CAMK2D: variants seen among roughly 807,000 people sequenced by gnomAD.
CAMK2D encodes the protein calcium/calmodulin dependent protein kinase II delta, also known as calcium/calmodulin-dependent protein kinase type II subunit delta.
CAMK2D carries 37 observed loss-of-function variants against 84.0 expected under a neutral mutation model. The ratio of observed to expected loss-of-function variants is 0.44; its 90% CI spans 0.34 to 0.58. The LOEUF (loss-of-function observed/expected upper bound fraction) is 0.58. CAMK2D is among the 20% of genes least tolerant of loss of function. CAMK2D has a pLI of 0.02. For synonymous variants in CAMK2D, 202 were observed against 212.5 expected, an observed-to-expected ratio of 0.95 and a Z score of 0.43; for missense variants, 448 against 652.5, an observed-to-expected ratio of 0.69 and a Z score of 3.41.
intron 19 of CAMK2D, 41 bp from the exon 20 acceptor site, chr4:113,455,862 G>C (rs201528950): frequency 2.5e-4 from 313 of 1,262,610 alleles, no homozygotes; most frequent in Non-Finnish European, 3.5e-4. Flanking sequence ...GGCATAAAAT[G>C]AAGTTTTCTT....
At chr4:113,695,203 G>A (rs2154343964) in intron 2 of CAMK2D, among the ~76,000 whole-genome samples, 1 of 152,134 alleles carries the variant, frequency 6.6e-6, no homozygotes, top group African/African-American at 2.4e-5. Context: ...TGTGGGATGG[G>A]AAGATAGGTA....
At position 113,751,172 on chromosome 4, in the gene CAMK2D, G is replaced by A. The variant is rs145376650; in HGVS notation, c.160+8148C>T. On this transcript the variant is annotated intron_variant, in intron 2 of 20. Transcript: ENST00000511664. ...GGAAAATTATTGTGCCATTCACAGAGGGGGAAAGTTGATGAGTCTACTGGG... is the reference window on the plus strand; with the variant it reads ...GGAAAATTATTGTGCCATTCACAGAAGGGGAAAGTTGATGAGTCTACTGGG... Among the ~76,000 whole-genome samples, 48 of 152,282 alleles carry A rather than the reference G, an allele frequency of 3.2e-4. 1 individual carries two copies. The East Asian group carries it at 9.1e-3, about 29-fold the overall frequency.
At chr4:113,554,998 A>G (rs1425582570) in intron 4 of CAMK2D, among the ~76,000 whole-genome samples, 1 of 152,152 alleles carries the variant, frequency 6.6e-6, no homozygotes, top group African/African-American at 2.4e-5. Context: ...TGAGATATGT[A>G]TCAGAAAGAT....
At chr4:113,570,170 A>C (rs575127480) in intron 4 of CAMK2D, among the ~76,000 whole-genome samples, 1 of 152,326 alleles carries the variant, frequency 6.6e-6, no homozygotes, top group African/African-American at 2.4e-5. Flanking sequence ...GGATTGGAAG[A>C]ATTAATGTTG....
chr4:113,712,967 G>T (rs2099498848), intron 2 of CAMK2D, among the ~76,000 whole-genome samples: 1 of 151,924 alleles, frequency 6.6e-6, no homozygotes. Context: ...AAATTTCATA[G>T]AAATGGTATT....
At chr4:113,506,017 T>G (rs1385484868) in intron 13 of CAMK2D, among the ~76,000 whole-genome samples, 2 of 152,204 alleles carry the variant, frequency 1.3e-5, no homozygotes, top group Non-Finnish European at 2.9e-5. Flanking sequence ...TTCATTTTCT[T>G]ATACTATATT....
At chr4:113,703,095 A>C (rs116040612) in intron 2 of CAMK2D, among the ~76,000 whole-genome samples, 123 of 152,280 alleles carry the variant, frequency 8.1e-4, no homozygotes, top group African/African-American at 2.7e-3. Flanking sequence ...ATAAATGTGA[A>C]TTTGTTCATT....
At chr4:113,645,712 G>GA (rs397976016) in intron 3 of CAMK2D, among the ~76,000 whole-genome samples, 2,042 of 146,528 alleles carry the variant, frequency 0.014, 42 homozygotes, top group African/African-American at 0.04. Context: ...CCAGCAAGGA[G>GA]AAAAAAAAAA....
chr4:113,516,825 C>T (rs1044107518), intron 9 of CAMK2D, among the ~76,000 whole-genome samples: 7 of 152,070 alleles, frequency 4.6e-5, no homozygotes, highest in African/African-American at 1.7e-4. Flanking sequence ...CATGGATTTC[C>T]ATAGGGCTGT....
rs72903613 is a variant in CAMK2D, at chr4:113,757,212, T to C, written c.160+2108A>G. 8.4e-3 allele frequency among the ~76,000 whole-genome samples: 1,273 copies of C among 152,270 alleles called. 18 individuals are homozygous for C. Among genetic ancestry groups the C allele is most frequent in the African/African-American group, 0.029 (1,212 of 41,568 alleles). The stretch of plus-strand genomic sequence containing the variant: ...AGGCTGCCACTGGATTTATAAGTTC[T>C]TTCATAAAAGTAATCTAATTTGATC... On this transcript the variant is annotated intron_variant, in intron 2 of 20. Transcript: ENST00000511664.
At chr4:113,506,111 CAT>C (rs1488114810) in intron 13 of CAMK2D, among the ~76,000 whole-genome samples, 1 of 151,966 alleles carries the variant, frequency 6.6e-6, no homozygotes, top group Non-Finnish European at 1.5e-5. Flanking sequence ...TAAAGAGAAA[CAT>C]ATACTATATA....
chr4:113,527,552 T>C (rs2098427272), intron 8 of CAMK2D, among the ~76,000 whole-genome samples: 1 of 152,146 alleles, frequency 6.6e-6, no homozygotes, highest in Non-Finnish European at 1.5e-5. Flanking sequence ...ATTTGTTCTA[T>C]TGTGAGACCA....
At chr4:113,652,119 T>C (rs1279142373) in intron 3 of CAMK2D, among the ~76,000 whole-genome samples, 4 of 152,198 alleles carry the variant, frequency 2.6e-5, no homozygotes, top group Admixed American at 2.6e-4. Context: ...CAGTGCAGTA[T>C]TGAAGAGCAC....
At chr4:113,479,436 A>G (rs1270705832) in intron 16 of CAMK2D, among the ~76,000 whole-genome samples, 1 of 152,232 alleles carries the variant, frequency 6.6e-6, no homozygotes, top group East Asian at 1.9e-4. Flanking sequence ...TTTAATAAGT[A>G]CAAAATATGT....
At chr4:113,689,064 G>A (rs577156826) in intron 2 of CAMK2D, among the ~76,000 whole-genome samples, 1 of 151,972 alleles carries the variant, frequency 6.6e-6, no homozygotes, top group African/African-American at 2.4e-5. Flanking sequence ...CCAACATGGT[G>A]AAACCCCATC....
chr4:113,533,135 A>C (rs892882611), intron 7 of CAMK2D, among the ~76,000 whole-genome samples: 2 of 152,142 alleles, frequency 1.3e-5, no homozygotes, highest in Admixed American at 6.5e-5. Flanking sequence ...TGTGAGGAAG[A>C]AATGAAAAGA....
intron 2 of CAMK2D, among the ~76,000 whole-genome samples, chr4:113,690,093 G>GTTAA (rs1383341112): frequency 6.6e-6 from 1 of 152,062 alleles, no homozygotes; most frequent in East Asian, 1.9e-4. Context: ...AGATCAGGCA[G>GTTAA]GATAAAAGGA....
At chr4:113,499,689 G>A (rs889518453) in intron 16 of CAMK2D, among the ~76,000 whole-genome samples, 2 of 151,918 alleles carry the variant, frequency 1.3e-5, no homozygotes. Flanking sequence ...ATATCCTACT[G>A]TTACCGCTGT....
intron 19 of CAMK2D, 31 bp downstream of exon 19, chr4:113,457,304 A>T (rs1229138461): frequency 6.2e-7 from 1 of 1,612,284 alleles, no homozygotes; most frequent in African/African-American, 1.3e-5. Context: ...GGGTGTATTA[A>T]CAAAGAAGCT....
Sources: allele counts gnomAD v4.1 joint callset (sites outside exome capture counted in the v4.1 genomes callset), GRCh38; gene constraint gnomAD v4.1.1; transcripts MANE v1.5; gene names NCBI Gene and HGNC (gene_info 2026-07-23, HGNC 2026-07-21).